GIT2: variants seen among roughly 807,000 people sequenced by gnomAD.
GIT2 encodes the protein ARF GTPase-activating protein GIT2.
In GIT2, 32 loss-of-function variants were observed where a neutral mutation model predicts 100.3. The observed-to-expected ratio is 0.32, with a 90% CI of 0.24 to 0.43. GIT2 has a LOEUF of 0.43. Ranked by LOEUF, GIT2 falls within the 20% of genes least tolerant of loss-of-function variation. The pLI is 1.00. For synonymous variants in GIT2, 353 were observed against 364.1 expected (o/e 0.97, Z 0.35); for missense variants, 737 against 975.1 (o/e 0.76, Z 3.25).
rs760414775 is a variant in GIT2 at position 109,948,150 on chromosome 12, C to G, written c.1393-646G>C. On this transcript the variant is annotated intron_variant, in intron 14 of 19. Coordinates refer to ENST00000355312, the MANE Select transcript of GIT2 (RefSeq NM_057169.5). The surrounding 1 kb of genome is among the most constrained non-coding windows in gnomAD (Gnocchi z 4.3). ...AAAAAAAAAAGAAAAAAGAGAAAAC[C>G]GGATCATGGTAAGTTTGCTATATTA... The G allele has an allele frequency of 6.4e-5, 62 of 967,014 alleles. 1 individual carries two copies. The South Asian group carries it at 1.4e-3, about 22-fold the overall frequency. 59.9% of individuals were successfully genotyped at this position (967,014 alleles called of 1,614,324 possible).
rs1871359301 is a variant in GIT2 at position 109,929,927 on chromosome 12, A to G, written c.*3051T>C. On this transcript the variant is annotated 3_prime_UTR_variant, in exon 20 of 20. Coordinates refer to ENST00000355312, the MANE Select transcript of GIT2 (RefSeq NM_057169.5). Reference sequence around the variant, plus strand: ...AATAAAAAGTACAGAATAATGAGTGACAGGGATCAAACACGTTGGAATAAA... The same window carrying G: ...AATAAAAAGTACAGAATAATGAGTGGCAGGGATCAAACACGTTGGAATAAA... 6.6e-6 allele frequency: 1 copy of G among 152,622 alleles called. No homozygotes were observed. Among genetic ancestry groups the G allele is most frequent in the South Asian group, 2.1e-4 (1 of 4,832 alleles). 9.5% of individuals were successfully genotyped at this position (152,622 alleles called of 1,614,324 possible).
chr12:109,953,386 AAGG>A (rs947886619), intron 12 of GIT2, 152 bp from the exon 13 acceptor site: 5 of 705,624 alleles, frequency 7.1e-6, no homozygotes, highest in Non-Finnish European at 1.2e-5. Flanking sequence ...CTAGGAGGCC[AAGG>A]AGGAGAACTG....
intron 4 of GIT2, among the ~76,000 whole-genome samples, chr12:109,984,560 C>T (rs1191530091): frequency 6.6e-6 from 1 of 152,104 alleles, no homozygotes; most frequent in Non-Finnish European, 1.5e-5. Context: ...AATCCTTCCA[C>T]CTCAGCCTCC....
intron 12 of GIT2, chr12:109,953,805 CA>C (rs1486671900): frequency 6.6e-6 from 1 of 152,264 alleles, no homozygotes; most frequent in Non-Finnish European, 1.5e-5. Context: ...GCAAATTAAA[CA>C]GATGGCTTAG....
chr12:109,945,684 T>C (rs1876122159), intron 15 of GIT2, among the ~76,000 whole-genome samples: 1 of 152,232 alleles, frequency 6.6e-6, no homozygotes, highest in Admixed American at 6.5e-5. Flanking sequence ...ATAAAAATGA[T>C]TCTAAGTTGC....
chr12:109,991,267 G>A (rs1169984542), intron 2 of GIT2, among the ~76,000 whole-genome samples: 3 of 148,110 alleles, frequency 2.0e-5, no homozygotes, highest in Non-Finnish European at 3.0e-5. Context: ...CTGAGATCAC[G>A]CCACTGCACT....
At chr12:109,959,389 G>A (rs953362698) in intron 12 of GIT2, among the ~76,000 whole-genome samples, 2 of 152,042 alleles carry the variant, frequency 1.3e-5, no homozygotes, top group Non-Finnish European at 2.9e-5. Flanking sequence ...ATTTTCTTAT[G>A]TCCTTTAACA....
chr12:109,979,185 A>G lies in GIT2; in HGVS notation c.718+1767T>C, dbSNP rs115520526. ...CTGGATGGGAGAGATCAGAAAAAGGAAGGAGGAGGAGGAAAAAACCCCAGG... is the reference window on the plus strand; with the variant it reads ...CTGGATGGGAGAGATCAGAAAAAGGGAGGAGGAGGAGGAAAAAACCCCAGG... On this transcript the variant is annotated intron_variant, in intron 7 of 19. Coordinates refer to ENST00000355312, the MANE Select transcript of GIT2 (RefSeq NM_057169.5). 6.8e-3 allele frequency among the ~76,000 whole-genome samples: 1,038 copies of G among 151,894 alleles called. 19 individuals are homozygous for G. The highest frequency in any genetic ancestry group is 0.024 in the African/African-American group (996 of 41,422).
chr12:109,992,305 C>A (rs952024868), intron 1 of GIT2, among the ~76,000 whole-genome samples: 4 of 151,276 alleles, frequency 2.6e-5, no homozygotes, highest in Non-Finnish European at 5.9e-5. Context: ...CACCACCACG[C>A]CCGGCTAATT....
intron 7 of GIT2, among the ~76,000 whole-genome samples, chr12:109,975,369 C>A (rs1272532977): frequency 2.0e-5 from 3 of 152,058 alleles, no homozygotes; most frequent in African/African-American, 7.2e-5. Context: ...CCATGCCTGG[C>A]TGCTTTCTAT....
At chr12:109,942,086 A>T (rs1874918337) in intron 16 of GIT2, among the ~76,000 whole-genome samples, 1 of 152,096 alleles carries the variant, frequency 6.6e-6, no homozygotes, top group African/African-American at 2.4e-5. Flanking sequence ...TGGCCTCCCA[A>T]AGTGCTGGGA....
rs1876698703 is a variant in GIT2, at chr12:109,947,612, C to T, written c.1393-108G>A. The T allele has an allele frequency of 9.8e-7, 1 of 1,017,074 alleles. No individual in the cohort carries two copies. Among genetic ancestry groups the T allele is most frequent in the Non-Finnish European group, 1.5e-6 (1 of 684,080 alleles). 63.0% of individuals were successfully genotyped at this position (1,017,074 alleles called of 1,614,324 possible). On this transcript the variant is annotated intron_variant, in intron 14 of 19. Transcript: ENST00000355312. This position sits in a 1 kb window ranked among gnomAD's most constrained non-coding sequence, Gnocchi z 4.3. Reference sequence around the variant, plus strand: ...CAGTTTTAAACAATAAGGACAGTAACAGCTAGCCGGGCTGAAAGTAAAAAG... The same window carrying T: ...CAGTTTTAAACAATAAGGACAGTAATAGCTAGCCGGGCTGAAAGTAAAAAG...
At chr12:109,950,986 G>A in intron 14 of GIT2, 181 bp downstream of exon 14, 1 of 654,260 alleles carries the variant, frequency 1.5e-6, no homozygotes, top group East Asian at 2.6e-5. Context: ...ACTTACTCTG[G>A]ATATATTTCA....
rs182901195 is a variant in GIT2, at chr12:109,948,028, C to T, written c.1393-524G>A. ...AAGTTCAGCTTGTGAAAAATCAGAT[C>T]GCCTATTGCTTTCCAAAAAGCCAAC... On this transcript the variant is annotated intron_variant, in intron 14 of 19. Transcript: ENST00000355312. This position sits in a 1 kb window ranked among gnomAD's most constrained non-coding sequence, Gnocchi z 4.3. The T allele has an allele frequency of 1.3e-4, 73 of 561,620 alleles. No individual in the cohort carries two copies. The highest frequency in any genetic ancestry group is 1.2e-3 in the African/African-American group (60 of 49,022). 34.8% of individuals were successfully genotyped at this position (561,620 alleles called of 1,614,324 possible). A position where few individuals can be genotyped will look rare whatever the true frequency, so the allele number is the denominator to read the frequency against.
intron 13 of GIT2, 108 bp from the exon 14 acceptor site, chr12:109,951,424 G>A (rs1038440422): frequency 1.1e-6 from 1 of 874,596 alleles, no homozygotes; most frequent in Non-Finnish European, 1.8e-6. Flanking sequence ...TGCAAAGTTA[G>A]TCAAACCAAA....
chr12:109,993,718 T>A (rs943932181), intron 1 of GIT2, among the ~76,000 whole-genome samples: 1 of 152,232 alleles, frequency 6.6e-6, no homozygotes, highest in Non-Finnish European at 1.5e-5. Flanking sequence ...GTGAAATTCA[T>A]GATCACTGGA....
chr12:109,957,284 T>C (rs77982999), intron 12 of GIT2, among the ~76,000 whole-genome samples: 1,863 of 152,230 alleles, frequency 0.012, 36 homozygotes, highest in African/African-American at 0.043. Flanking sequence ...CTCGCTCTCT[T>C]GCTTCCTCTC....
intron 1 of GIT2, among the ~76,000 whole-genome samples, chr12:109,994,114 A>G (rs1453112446): frequency 6.6e-6 from 1 of 150,622 alleles, no homozygotes; most frequent in Non-Finnish European, 1.5e-5. Flanking sequence ...TTTGAAGCAT[A>G]GCTTTGGTTT....
In GIT2 at chr12:109,933,038, G is replaced by A. The variant is rs150244358; in HGVS notation, c.2220C>T (p.Tyr740=). Residue 740 remains tyrosine (Y), a synonymous_variant, in exon 20 of 20, where the codon TAC becomes TAT. Coordinates refer to ENST00000355312, the MANE Select transcript of GIT2 (RefSeq NM_057169.5). This position sits in a 1 kb window ranked among gnomAD's most constrained non-coding sequence, Gnocchi z 4.5. ...GCTGCTTGGCAGCCTTGGCGATGTC[G>A]TACGCACACTGGATGACCTGCTGCG... The part of the protein sequence containing the change: ...LVTQQVIQCA[Y]DIAKAAKQLV... The A allele has an allele frequency of 3.4e-5, 55 of 1,613,616 alleles. No homozygotes were observed. Among genetic ancestry groups the A allele is most frequent in the South Asian group, 1.1e-4 (10 of 91,068 alleles).
Sources: gnomAD v4.1 joint callset for allele counts (sites outside exome capture counted in the v4.1 genomes callset) on GRCh38, gnomAD v4.1.1 for gene constraint, Gnocchi (gnomAD v3.1) non-coding constraint, MANE v1.5 for transcripts, NCBI Gene and HGNC (gene_info 2026-07-23, HGNC 2026-07-21) for gene names.